AGAP1: variants seen among roughly 807,000 people sequenced by gnomAD.
AGAP1 encodes the protein arf-GAP with GTPase, ANK repeat and PH domain-containing protein 1.
AGAP1 carries 29 observed loss-of-function variants against 105.3 expected under a neutral mutation model. The observed-to-expected ratio is 0.28, with a 90% confidence interval of 0.21 to 0.38. The LOEUF is 0.38. Ranked by LOEUF, AGAP1 falls within the 10% of genes least tolerant of loss-of-function variation. AGAP1 has a pLI of 1.00. For synonymous variants in AGAP1, 509 were observed against 485.9 expected (o/e 1.05, Z -0.63); for missense variants, 998 against 1,165.1 (o/e 0.86, Z 2.09).
At chr2:236,074,030 G>C (rs2058573820) in intron 16 of AGAP1, among the ~76,000 whole-genome samples, 1 of 152,210 alleles carries the variant, frequency 6.6e-6, no homozygotes, top group Non-Finnish European at 1.5e-5. Flanking sequence ...AATGCCTGGA[G>C]ACATCCTGGA....
chr2:235,734,757 C>T lies in AGAP1; in HGVS notation c.311-6206C>T, dbSNP rs1385547789. Among the ~76,000 whole-genome samples the T allele has an allele frequency of 6.6e-6, 1 of 152,196 alleles. No homozygotes were observed. The highest frequency in any genetic ancestry group is 1.5e-5 in the Non-Finnish European group (1 of 68,040). On this transcript the variant is annotated intron_variant, in intron 3 of 17. Transcript: ENST00000304032. The surrounding 1 kb of genome is among the most constrained non-coding windows in gnomAD (Gnocchi z 5.3). ...GCCCTGTGGATGCTGCAAAACGCAG[C>T]AAACACGGAGGCTGCCGGCTTTGTT...
chr2:235,880,758 A>C (rs1353522627), intron 9 of AGAP1, among the ~76,000 whole-genome samples: 1 of 152,012 alleles, frequency 6.6e-6, no homozygotes, highest in Non-Finnish European at 1.5e-5. Context: ...AAAAAACAAA[A>C]AAAGAACTTG....
At chr2:235,717,124 TA>T (rs1177115716) in intron 2 of AGAP1, among the ~76,000 whole-genome samples, 2 of 152,052 alleles carry the variant, frequency 1.3e-5, no homozygotes, top group Non-Finnish European at 2.9e-5. Context: ...ACTCATCCCC[TA>T]AAGATGCTAC....
intron 13 of AGAP1, among the ~76,000 whole-genome samples, chr2:236,008,870 A>G (rs1169772268): frequency 2.0e-5 from 3 of 152,184 alleles, no homozygotes; most frequent in Non-Finnish European, 4.4e-5. Flanking sequence ...GATGACTTTT[A>G]TTTCATGAGT....
At chr2:235,707,403 G>A (rs73124494) in intron 1 of AGAP1, among the ~76,000 whole-genome samples, 11,360 of 150,612 alleles carry the variant, frequency 0.075, 1,442 homozygotes, top group African/African-American at 0.26. Context: ...ACTCGGCATC[G>A]GGAGACCCTT....
chr2:235,696,961 C>G (rs1051327747), intron 1 of AGAP1, among the ~76,000 whole-genome samples: 1 of 151,524 alleles, frequency 6.6e-6, no homozygotes, highest in Non-Finnish European at 1.5e-5. Flanking sequence ...TCCAGCCTGG[C>G]GACAGAGCCT....
At chr2:235,839,413 A>G (rs1173068029) in intron 9 of AGAP1, among the ~76,000 whole-genome samples, 1 of 152,154 alleles carries the variant, frequency 6.6e-6, no homozygotes, top group African/African-American at 2.4e-5. Context: ...AGTGTTTCCC[A>G]TTTAAAGGTG....
At chr2:235,579,077 C>T (rs1376633938) in intron 1 of AGAP1, among the ~76,000 whole-genome samples, 1 of 152,200 alleles carries the variant, frequency 6.6e-6, no homozygotes, top group African/African-American at 2.4e-5. Flanking sequence ...ACCAAATTAT[C>T]ACCATGAAGC....
At chr2:235,534,427 A>G (rs890113324) in intron 1 of AGAP1, among the ~76,000 whole-genome samples, 2 of 152,130 alleles carry the variant, frequency 1.3e-5, no homozygotes, top group Admixed American at 1.3e-4. Flanking sequence ...ACACCTAAAA[A>G]AAATACAGTG....
Position 235,904,448 on chromosome 2 carries a change from TG to T in AGAP1, c.1156-4284del, listed in dbSNP as rs2051207283. 6.6e-6 allele frequency among the ~76,000 whole-genome samples: 1 copy of T among 152,170 alleles called. No homozygotes were observed. The highest frequency in any genetic ancestry group is 6.5e-5 in the Admixed American group (1 of 15,286). ...GTTGAGGGGCAGGAGATGGCACCTCTGGGGGGCCTGGCTCTTGAGTGGGCCC... is the reference window on the plus strand; with the variant it reads ...GTTGAGGGGCAGGAGATGGCACCTCTGGGGGCCTGGCTCTTGAGTGGGCCC... On this transcript the variant is annotated intron_variant, in intron 10 of 17. Transcript: ENST00000304032. This position sits in a 1 kb window ranked among gnomAD's most constrained non-coding sequence, Gnocchi z 4.2.
intron 1 of AGAP1, among the ~76,000 whole-genome samples, chr2:235,519,614 T>A (rs536783830): frequency 6.6e-6 from 1 of 152,202 alleles, no homozygotes; most frequent in East Asian, 1.9e-4. Context: ...AGAAGAAACA[T>A]TTAGGCTTGA....
Position 235,497,545 on chromosome 2 carries a change from T to C in AGAP1, c.163+2696T>C, listed in dbSNP as rs532947113. Among the ~76,000 whole-genome samples, 18 of 152,372 alleles carry C rather than the reference T, an allele frequency of 1.2e-4. 1 individual carries two copies. In the South Asian group the frequency reaches 3.1e-3, roughly 26 times the overall value. On this transcript the variant is annotated intron_variant, in intron 1 of 17. Transcript: ENST00000304032. Reference sequence around the variant, plus strand: ...TTTTTCCCCTTCCTCTGTATGTGCATACACAGAATTGGGGTCTGACTTCCC... The same window carrying C: ...TTTTTCCCCTTCCTCTGTATGTGCACACACAGAATTGGGGTCTGACTTCCC...
At chr2:236,025,024 C>G (rs1441167490) in intron 13 of AGAP1, among the ~76,000 whole-genome samples, 5 of 152,172 alleles carry the variant, frequency 3.3e-5, no homozygotes, top group African/African-American at 4.8e-5. Context: ...GGTGTGGTGG[C>G]ATCTTGATTT....
chr2:235,811,627 G>C (rs1487713456), intron 9 of AGAP1, among the ~76,000 whole-genome samples: 5 of 152,224 alleles, frequency 3.3e-5, no homozygotes, highest in Non-Finnish European at 7.3e-5. Flanking sequence ...GGCATTCCTA[G>C]GGTTAGTCAG....
At position 235,904,020 on chromosome 2, in the gene AGAP1, A is replaced by G. The variant is rs897964864; in HGVS notation, c.1156-4718A>G. ...TGCTGCTGTCAGCAAGCTGAAAGCT[A>G]TGGGTCTCTGACACGGCTCTCAATT... On this transcript the variant is annotated intron_variant, in intron 10 of 17. Transcript: ENST00000304032. The surrounding 1 kb of genome is among the most constrained non-coding windows in gnomAD (Gnocchi z 4.2). Among the ~76,000 whole-genome samples, 9 of 152,064 alleles carry G rather than the reference A, an allele frequency of 5.9e-5. No homozygotes were observed. The highest frequency in any genetic ancestry group is 2.1e-4 in the South Asian group (1 of 4,806).
chr2:236,064,425 T>C (rs555941089), intron 16 of AGAP1, among the ~76,000 whole-genome samples: 1 of 151,796 alleles, frequency 6.6e-6, no homozygotes, highest in Middle Eastern at 3.4e-3. Flanking sequence ...ATCCTGTCTG[T>C]ACTAAAAAAA....
rs187807949 is a variant in AGAP1 at position 235,773,349 on chromosome 2, C to T, written c.673+22861C>T. 9.1e-3 allele frequency among the ~76,000 whole-genome samples: 1,385 copies of T among 152,238 alleles called. 20 individuals are homozygous for T. Among genetic ancestry groups the T allele is most frequent in the Middle Eastern group, 0.017 (5 of 292 alleles). The stretch of plus-strand genomic sequence containing the variant: ...TCTATGCAAATGAAGATTTGGCCTA[C>T]GGTCAGTCTGATTGGTTGTGGAAAG... On this transcript the variant is annotated intron_variant, in intron 6 of 17. Coordinates refer to ENST00000304032, the MANE Select transcript of AGAP1 (RefSeq NM_001037131.3).
At chr2:235,630,866 C>A (rs1170344637) in intron 1 of AGAP1, among the ~76,000 whole-genome samples, 2 of 152,202 alleles carry the variant, frequency 1.3e-5, no homozygotes, top group African/African-American at 4.8e-5. Context: ...GAACTGAGGT[C>A]TGTGTGCTGG....
intron 9 of AGAP1, among the ~76,000 whole-genome samples, chr2:235,821,979 C>T (rs886944841): frequency 6.6e-6 from 1 of 152,234 alleles, no homozygotes; most frequent in African/African-American, 2.4e-5. Flanking sequence ...ACCACAGAAG[C>T]CTTGCACCCT....
Sources: allele counts gnomAD v4.1 joint callset (sites outside exome capture counted in the v4.1 genomes callset), GRCh38; gene constraint gnomAD v4.1.1; non-coding constraint Gnocchi (gnomAD v3.1); transcripts MANE v1.5; gene names NCBI Gene and HGNC (gene_info 2026-07-23, HGNC 2026-07-21).